ADAMTS12: variants seen among roughly 807,000 people sequenced by gnomAD.
The protein encoded by ADAMTS12 is A disintegrin and metalloproteinase with thrombospondin motifs 12.
A neutral mutation model predicts 167.8 loss-of-function variants in ADAMTS12; 118 were observed. That is an observed-to-expected ratio of 0.70 (90% confidence interval 0.61 to 0.82). The LOEUF (loss-of-function observed/expected upper bound fraction) is 0.82, where lower values mean the gene tolerates loss of function less well. Among genes scored for constraint, ADAMTS12 ranks in the 40% least tolerant of loss-of-function variants. The pLI is 0.00. For missense variants in ADAMTS12, 1,916 were observed against 1,998.8 expected, an observed-to-expected ratio of 0.96 and a Z score of 0.79; for synonymous variants, 704 against 716.9, an observed-to-expected ratio of 0.98 and a Z score of 0.29.
intron 11 of ADAMTS12, among the ~76,000 whole-genome samples, chr5:33,638,474 C>T (rs1740293071): frequency 9.0e-6 from 1 of 110,840 alleles, no homozygotes. Flanking sequence ...TGCCACCTGC[C>T]TTATTTAATA....
intron 14 of ADAMTS12, among the ~76,000 whole-genome samples, chr5:33,618,744 C>T (rs936584856): frequency 6.6e-6 from 1 of 152,226 alleles, no homozygotes; most frequent in African/African-American, 2.4e-5. Context: ...CACATATTCA[C>T]AATCTCTTTC....
intron 23 of ADAMTS12, among the ~76,000 whole-genome samples, chr5:33,532,959 T>A (rs1160220398): frequency 6.6e-6 from 1 of 152,240 alleles, no homozygotes; most frequent in Non-Finnish European, 1.5e-5. Context: ...ACAACTCTTC[T>A]TTCATTTTCC....
chr5:33,775,323 G>A (rs1745878563), intron 2 of ADAMTS12, among the ~76,000 whole-genome samples: 1 of 152,202 alleles, frequency 6.6e-6, no homozygotes, highest in Non-Finnish European at 1.5e-5. Flanking sequence ...TAGGATTTCT[G>A]AGGTGGGTAA....
chr5:33,608,767 C>A (rs1328643522), intron 16 of ADAMTS12, among the ~76,000 whole-genome samples: 1 of 152,184 alleles, frequency 6.6e-6, no homozygotes, highest in East Asian at 1.9e-4. Context: ...TTAGTCCCGG[C>A]CCTCCTATTT....
intron 20 of ADAMTS12, among the ~76,000 whole-genome samples, chr5:33,557,403 C>T (rs1465199713): frequency 6.6e-6 from 1 of 152,084 alleles, no homozygotes; most frequent in Non-Finnish European, 1.5e-5. Flanking sequence ...GAAGGTCTGC[C>T]ACAAAGAGAG....
intron 2 of ADAMTS12, among the ~76,000 whole-genome samples, chr5:33,788,640 A>C (rs1480786795): frequency 6.6e-6 from 1 of 152,166 alleles, no homozygotes; most frequent in Admixed American, 6.5e-5. Flanking sequence ...TGCACCAGGA[A>C]GCTATTTTGA....
chr5:33,794,614 A>AGTGC (rs1746703050), intron 2 of ADAMTS12, among the ~76,000 whole-genome samples: 1 of 100,736 alleles, frequency 9.9e-6, no homozygotes, highest in African/African-American at 4.0e-5. Context: ...GCAGGTAGGC[A>AGTGC]CGGCACTTCT....
At position 33,525,098 on chromosome 5, in the gene ADAMTS12, A is replaced by G. The variant is rs1280673958; in HGVS notation, c.*2090T>C. 1 of 152,170 alleles carries G rather than the reference A, an allele frequency of 6.6e-6. No homozygotes were observed. Among genetic ancestry groups the G allele is most frequent in the Non-Finnish European group, 1.5e-5 (1 of 68,028 alleles). The allele number at this position is 152,170 out of a possible 1,614,324, so 9.4% of individuals were successfully genotyped here. On this transcript the variant is annotated 3_prime_UTR_variant, in exon 24 of 24. Transcript: ENST00000504830. The stretch of plus-strand genomic sequence containing the variant: ...CCAGGTTAAATCAATCTAGCTTACT[A>G]AATGAATCCCCCTGAAAGACTACAC...
intron 1 of ADAMTS12, among the ~76,000 whole-genome samples, chr5:33,890,267 G>A (rs1052090803): frequency 6.6e-6 from 1 of 152,168 alleles, no homozygotes; most frequent in Non-Finnish European, 1.5e-5. Context: ...CTTTGTTTGT[G>A]CTGCCCCAGA....
chr5:33,696,906 A>G (rs1337247557), intron 3 of ADAMTS12, among the ~76,000 whole-genome samples: 1 of 152,188 alleles, frequency 6.6e-6, no homozygotes, highest in Non-Finnish European at 1.5e-5. Flanking sequence ...TCAATGTGAA[A>G]TGCTGTTCTC....
intron 2 of ADAMTS12, among the ~76,000 whole-genome samples, chr5:33,822,037 C>T (rs865792791): frequency 1.3e-5 from 2 of 152,086 alleles, no homozygotes; most frequent in East Asian, 1.9e-4. Flanking sequence ...TTACAAATGT[C>T]CTCTATAATA....
intron 3 of ADAMTS12, among the ~76,000 whole-genome samples, chr5:33,710,459 C>G (rs993759663): frequency 4.6e-5 from 7 of 152,162 alleles, no homozygotes; most frequent in Non-Finnish European, 8.8e-5. Context: ...TTTCTGATCT[C>G]AAATTGTCAA....
intron 2 of ADAMTS12, among the ~76,000 whole-genome samples, chr5:33,752,960 A>G (rs998388810): frequency 1.3e-5 from 2 of 152,228 alleles, no homozygotes; most frequent in Admixed American, 6.5e-5. Flanking sequence ...AAACCTCACA[A>G]TCAGCTTCCT....
At chr5:33,889,309 A>C (rs1275259505) in intron 1 of ADAMTS12, among the ~76,000 whole-genome samples, 1 of 152,200 alleles carries the variant, frequency 6.6e-6, no homozygotes, top group Non-Finnish European at 1.5e-5. Context: ...AAATATTTCA[A>C]AAATAAGAAT....
chr5:33,664,277 A>G (rs1741387012), intron 5 of ADAMTS12, among the ~76,000 whole-genome samples: 2 of 152,328 alleles, frequency 1.3e-5, no homozygotes, highest in East Asian at 1.9e-4. Flanking sequence ...GGCTTACTAT[A>G]TAGCTATAAT....
chr5:33,765,420 CTTTG>C (rs1369806595), intron 2 of ADAMTS12, among the ~76,000 whole-genome samples: 1 of 152,166 alleles, frequency 6.6e-6, no homozygotes, highest in Non-Finnish European at 1.5e-5. Context: ...TTGGTTCTGT[CTTTG>C]TTTGTAATCC....
chr5:33,779,082 A>G (rs192853317), intron 2 of ADAMTS12, among the ~76,000 whole-genome samples: 50 of 152,290 alleles, frequency 3.3e-4, no homozygotes, highest in Admixed American at 2.9e-3. Context: ...AACAGCCATT[A>G]TAGAAAACAT....
At position 33,630,780 on chromosome 5, in the gene ADAMTS12, C is replaced by T; in HGVS notation, c.2022G>A (p.Lys674=). The T allele has an allele frequency of 6.2e-7, 1 of 1,611,608 alleles. No individual in the cohort carries two copies. The highest frequency in any genetic ancestry group is 8.5e-7 in the Non-Finnish European group (1 of 1,178,108). ...TAGATTAAGGAAACATACCCAATACCTTACATATGCCATTAATACAGACAT... is the reference window on the plus strand; with the variant it reads ...TAGATTAAGGAAACATACCCAATACTTTACATATGCCATTAATACAGACAT... The part of the protein sequence containing the change: ...SRNVCINGIC[K]MVGCDYEIDS... Residue 674 remains lysine, a splice_region_variant and synonymous_variant, in exon 13 of 24, where the codon AAG becomes AAA. Transcript: ENST00000504830.
At chr5:33,676,571 C>T (rs956820676) in intron 5 of ADAMTS12, among the ~76,000 whole-genome samples, 2 of 151,546 alleles carry the variant, frequency 1.3e-5, no homozygotes, top group African/African-American at 4.9e-5. Context: ...GTATTCCTAG[C>T]TACTTGGAAG....
Sources: allele counts gnomAD v4.1 joint callset (sites outside exome capture counted in the v4.1 genomes callset), GRCh38; gene constraint gnomAD v4.1.1; transcripts MANE v1.5; gene names NCBI Gene and HGNC (gene_info 2026-07-23, HGNC 2026-07-21).